Variants in UTP6 observed in about 807,000 individuals in gnomAD.
UTP6 encodes the protein U3 small nucleolar RNA-associated protein 6 homolog.
Under a neutral mutation model 96.5 loss-of-function variants are expected in UTP6, and 60 were observed. That is an observed-to-expected ratio of 0.62 (90% CI 0.51 to 0.77). UTP6 has a LOEUF of 0.77. Among genes scored for constraint, UTP6 ranks in the 30% least tolerant of loss-of-function variants. UTP6 has a pLI of 0.00. For synonymous variants in UTP6, 215 were observed against 240.1 expected (o/e 0.90, Z 0.96); for missense variants, 637 against 706.5 (o/e 0.90, Z 1.12).
chr17:31,882,510 G>A (rs982102122), intron 10 of UTP6, among the ~76,000 whole-genome samples: 12 of 151,688 alleles, frequency 7.9e-5, no homozygotes, highest in East Asian at 3.9e-4. Context: ...TAGTAGAGAC[G>A]GGGTTTCACC....
Position 31,863,533 on chromosome 17 carries a change from A to G in UTP6, c.1637-17T>C, listed in dbSNP as rs1909645157. The G allele has an allele frequency of 1.3e-6, 2 of 1,574,206 alleles. No individual in the cohort carries two copies. Among genetic ancestry groups the G allele is most frequent in the Non-Finnish European group, 1.7e-6 (2 of 1,156,332 alleles). ...TCCAAAGATCTTTTAAAAAAAAAACATACAATTAGATAACTGACAGAGTGT... is the reference window on the plus strand; with the variant it reads ...TCCAAAGATCTTTTAAAAAAAAAACGTACAATTAGATAACTGACAGAGTGT... On this transcript the variant is annotated splice_polypyrimidine_tract_variant and intron_variant, in intron 18 of 18. Transcript: ENST00000261708.
Position 31,873,485 on chromosome 17 carries a change from T to C in UTP6, c.1389A>G (p.Lys463=), listed in dbSNP as rs1341077615. The part of the protein sequence containing the change: ...SQEDTEAVFK[K]ALLAVIGADS... ...CGGCACCTATGACAGCTAAGAGAGC[T>C]TTCTACAATTTAAAAGAAAAAAGAA... The change falls in exon 16 of 19, where the codon AAA becomes AAG. Residue 463 remains lysine (K), a splice_region_variant and synonymous_variant. Coordinates refer to ENST00000261708, the MANE Select transcript of UTP6 (RefSeq NM_018428.3). 5.6e-6 allele frequency: 9 copies of C among 1,611,974 alleles called. No homozygotes were observed. The African/African-American group carries it at 1.2e-4, about 22-fold the overall frequency.
At chr17:31,873,863 G>T (rs1260224779) in intron 14 of UTP6, 110 bp from the exon 15 acceptor site, 2 of 1,228,790 alleles carry the variant, frequency 1.6e-6, no homozygotes, top group Non-Finnish European at 2.2e-6. Context: ...GCTATAAAAT[G>T]ACAGTTTAGT....
chr17:31,882,381 G>C (rs1985824), intron 10 of UTP6, among the ~76,000 whole-genome samples: 130,807 of 150,772 alleles, frequency 0.87, 56,768 homozygotes, highest in African/African-American at 0.92. Context: ...AGTGCAGTGG[G>C]ACGATCTCAG....
intron 10 of UTP6, among the ~76,000 whole-genome samples, chr17:31,883,327 T>TC (rs1910952249): frequency 6.6e-6 from 1 of 151,716 alleles, no homozygotes; most frequent in Non-Finnish European, 1.5e-5. Context: ...TTTTTTTTTT[T>TC]TTTTTGAGAT....
chr17:31,889,495 ATTTTT>A (rs375193627), intron 6 of UTP6, 92 bp from the exon 7 acceptor site: 249 of 536,204 alleles, frequency 4.6e-4, no homozygotes, highest in East Asian at 5.5e-4. Context: ...TACTCGCACA[ATTTTT>A]TTTTTTTTTT....
intron 9 of UTP6, chr17:31,884,886 TCTA>T (rs138534860): frequency 0.089 from 14,456 of 161,558 alleles, 1,208 homozygotes; most frequent in African/African-American, 0.23. Context: ...AAACCTCATC[TCTA>T]CTACAAGTAC....
At chr17:31,872,912 A>T (rs749990850) in intron 16 of UTP6, among the ~76,000 whole-genome samples, 23 of 150,716 alleles carry the variant, frequency 1.5e-4, no homozygotes, top group Non-Finnish European at 3.0e-4. Flanking sequence ...CGGGAGAATC[A>T]CTGTCTCAAA....
Position 31,895,017 on chromosome 17 carries a change from A to G in UTP6, c.178-6T>C. ...TCCAAAAGATTAATTTCATACTATGAAAGAAAAACATACAAAAAAATGAGA... is the reference window on the plus strand; with the variant it reads ...TCCAAAAGATTAATTTCATACTATGGAAGAAAAACATACAAAAAAATGAGA... On this transcript the variant is annotated splice_region_variant and splice_polypyrimidine_tract_variant and intron_variant, in intron 2 of 18. Transcript: ENST00000261708. 2 of 1,518,564 alleles carry G rather than the reference A, an allele frequency of 1.3e-6. No homozygotes were observed. The highest frequency in any genetic ancestry group is 1.8e-6 in the Non-Finnish European group (2 of 1,125,238). The allele number at this position is 1,518,564 out of a possible 1,614,324, so 94.1% of individuals were successfully genotyped here. A position where few individuals can be genotyped will look rare whatever the true frequency, so the allele number is the denominator to read the frequency against.
intron 16 of UTP6, among the ~76,000 whole-genome samples, chr17:31,870,053 A>G (rs74889610): frequency 6.6e-6 from 1 of 152,034 alleles, no homozygotes; most frequent in African/African-American, 2.4e-5. Flanking sequence ...TATTTACCAC[A>G]TTGTTTTTTT....
intron 5 of UTP6, 102 bp downstream of exon 5, chr17:31,892,645 T>C (rs1371659646): frequency 1.4e-6 from 2 of 1,440,842 alleles, no homozygotes; most frequent in Admixed American, 1.9e-5. Context: ...TCTTTTTTCA[T>C]GTTAACCCTA....
chr17:31,870,987 G>GTTTT (rs58931819), intron 16 of UTP6, among the ~76,000 whole-genome samples: 1 of 111,084 alleles, frequency 9.0e-6, no homozygotes, highest in Non-Finnish European at 1.9e-5. Context: ...AACTTTTTAA[G>GTTTT]TTTTTTTTTT....
chr17:31,865,934 CACA>C (rs1217155762), intron 17 of UTP6, among the ~76,000 whole-genome samples: 5 of 152,116 alleles, frequency 3.3e-5, no homozygotes, highest in African/African-American at 1.2e-4. Context: ...TATCTCTTAG[CACA>C]ACTATAAGTA....
At chr17:31,888,380 A>C (rs1911273844) in intron 7 of UTP6, among the ~76,000 whole-genome samples, 1 of 152,198 alleles carries the variant, frequency 6.6e-6, no homozygotes, top group African/African-American at 2.4e-5. Context: ...CCTCTCAACT[A>C]ACTTAGAAGC....
chr17:31,880,089 G>C (rs138491699), intron 11 of UTP6: 381 of 172,900 alleles, frequency 2.2e-3, no homozygotes, highest in Non-Finnish European at 3.6e-3. Flanking sequence ...CTGGGCAACA[G>C]AGTGAGACTC....
chr17:31,863,538 A>G, intron 18 of UTP6, 22 bp from the exon 19 acceptor site: 1 of 1,582,006 alleles, frequency 6.3e-7, no homozygotes, highest in Non-Finnish European at 8.6e-7. Context: ...AAAACATACA[A>G]TTAGATAACT....
intron 7 of UTP6, among the ~76,000 whole-genome samples, chr17:31,888,735 A>G (rs527591380): frequency 6.6e-6 from 1 of 152,024 alleles, no homozygotes; most frequent in African/African-American, 2.4e-5. Context: ...ACACCTCCAC[A>G]CTTATTCCTA....
chr17:31,889,274 T>G lies in UTP6; in HGVS notation c.543+11A>C. On this transcript the variant is annotated intron_variant, in intron 7 of 18. Coordinates refer to ENST00000261708, the MANE Select transcript of UTP6 (RefSeq NM_018428.3). Reference sequence around the variant, plus strand: ...ACATCACTGTCTCATCCTATGTGCATACACACTCACTTCTTTATAAAGTTT... The same window carrying G: ...ACATCACTGTCTCATCCTATGTGCAGACACACTCACTTCTTTATAAAGTTT... 6.2e-7 allele frequency: 1 copy of G among 1,602,160 alleles called. No homozygotes were observed. Among genetic ancestry groups the G allele is most frequent in the Non-Finnish European group, 8.5e-7 (1 of 1,170,312 alleles).
chr17:31,870,200 T>C (rs948239803), intron 16 of UTP6, among the ~76,000 whole-genome samples: 2 of 152,176 alleles, frequency 1.3e-5, no homozygotes, highest in Non-Finnish European at 2.9e-5. Context: ...AGTAATGGGA[T>C]TGCTGAGATA....
Sources: allele counts gnomAD v4.1 joint callset (sites outside exome capture counted in the v4.1 genomes callset), GRCh38; gene constraint gnomAD v4.1.1; transcripts MANE v1.5; gene names NCBI Gene and HGNC (gene_info 2026-07-23, HGNC 2026-07-21).